PARD3B: variants seen among roughly 807,000 people sequenced by gnomAD.
The protein encoded by PARD3B is par-3 family cell polarity regulator beta.
In PARD3B, 103 loss-of-function variants were observed where a neutral mutation model predicts 130.2. The observed-to-expected ratio is 0.79, with a 90% CI of 0.67 to 0.93. The LOEUF (loss-of-function observed/expected upper bound fraction) is 0.93. Among genes scored for constraint, PARD3B ranks in the 40% least tolerant of loss-of-function variants. The pLI, the probability that PARD3B is intolerant of heterozygous loss-of-function variation, is 0.00. For synonymous variants in PARD3B, 583 were observed against 553.2 expected (o/e 1.05, Z -0.76); for missense variants, 1,609 against 1,499.2 (o/e 1.07, Z -1.21).
At chr2:204,628,531 A>C (rs2034564927) in intron 1 of PARD3B, among the ~76,000 whole-genome samples, 1 of 152,144 alleles carries the variant, frequency 6.6e-6, no homozygotes. Flanking sequence ...TAGTGATTTA[A>C]TCAGCATTGT....
intron 11 of PARD3B, among the ~76,000 whole-genome samples, chr2:205,169,722 G>C (rs984504361): frequency 6.6e-6 from 1 of 152,130 alleles, no homozygotes; most frequent in South Asian, 2.1e-4. Context: ...AACAGGACTA[G>C]GACCAGGAAC....
At chr2:204,861,367 A>G (rs971275362) in intron 2 of PARD3B, among the ~76,000 whole-genome samples, 2 of 152,172 alleles carry the variant, frequency 1.3e-5, no homozygotes, top group Admixed American at 1.3e-4. Flanking sequence ...GTATTAAGAA[A>G]AATATTTGGG....
intron 3 of PARD3B, among the ~76,000 whole-genome samples, chr2:205,007,848 A>G (rs1695399748): frequency 6.6e-6 from 1 of 152,078 alleles, no homozygotes; most frequent in African/African-American, 2.4e-5. Context: ...ATTTGTTTCA[A>G]CGAAATCTAT....
chr2:204,573,347 G>A (rs1161595180), intron 1 of PARD3B, among the ~76,000 whole-genome samples: 3 of 152,176 alleles, frequency 2.0e-5, no homozygotes, highest in African/African-American at 2.4e-5. Context: ...AATTCATGGA[G>A]CATTACTGAA....
intron 20 of PARD3B, among the ~76,000 whole-genome samples, chr2:205,498,267 C>T (rs575209936): frequency 4.7e-5 from 7 of 149,736 alleles, no homozygotes; most frequent in South Asian, 4.2e-4. Flanking sequence ...TTTGGGAGGC[C>T]GAGGCGAGTG....
intron 5 of PARD3B, 39 bp from the exon 6 acceptor site, chr2:205,113,452 G>A: frequency 7.2e-7 from 1 of 1,392,818 alleles, no homozygotes; most frequent in Non-Finnish European, 1.0e-6. Flanking sequence ...CTGTTTTTTA[G>A]CAGACACTCA....
intron 21 of PARD3B, among the ~76,000 whole-genome samples, chr2:205,552,852 T>G (rs1378693892): frequency 6.6e-6 from 1 of 152,128 alleles, no homozygotes; most frequent in African/African-American, 2.4e-5. Flanking sequence ...ACTATAGACT[T>G]TAGTTAACAA....
chr2:204,643,778 A>T (rs1392576116), intron 1 of PARD3B, among the ~76,000 whole-genome samples: 1 of 152,194 alleles, frequency 6.6e-6, no homozygotes, highest in Non-Finnish European at 1.5e-5. Context: ...ATTTATTCAG[A>T]TTAAGAACTG....
intron 1 of PARD3B, among the ~76,000 whole-genome samples, chr2:204,681,047 TA>T (rs2036805894): frequency 6.6e-6 from 1 of 152,160 alleles, no homozygotes; most frequent in Admixed American, 6.5e-5. Flanking sequence ...TTCATGTTTT[TA>T]AAATATTTTT....
intron 2 of PARD3B, among the ~76,000 whole-genome samples, chr2:204,959,878 C>A (rs1690595303): frequency 6.6e-6 from 1 of 152,150 alleles, no homozygotes; most frequent in Admixed American, 6.5e-5. Context: ...TTCACACATA[C>A]CACGTTAATG....
intron 2 of PARD3B, among the ~76,000 whole-genome samples, chr2:204,915,439 C>T (rs371873973): frequency 5.4e-4 from 82 of 151,992 alleles, no homozygotes; most frequent in East Asian, 1.9e-3. Context: ...TGTTATGCAT[C>T]GTTTAAGGAG....
intron 18 of PARD3B, among the ~76,000 whole-genome samples, chr2:205,385,960 TA>T (rs1429853618): frequency 6.6e-6 from 1 of 152,182 alleles, no homozygotes; most frequent in Non-Finnish European, 1.5e-5. Context: ...GGTATTTCAC[TA>T]AACAAATTTT....
At chr2:205,086,890 T>A (rs766997795) in intron 4 of PARD3B, among the ~76,000 whole-genome samples, 7 of 152,192 alleles carry the variant, frequency 4.6e-5, no homozygotes, top group Non-Finnish European at 8.8e-5. Flanking sequence ...GAAAACCAGA[T>A]GCTTAGACCA....
At chr2:204,882,767 ATTTAGATGGC>A (rs1474865341) in intron 2 of PARD3B, among the ~76,000 whole-genome samples, 1 of 152,142 alleles carries the variant, frequency 6.6e-6, no homozygotes, top group Non-Finnish European at 1.5e-5. Flanking sequence ...CTCATCACTG[ATTTAGATGGC>A]TTTTCGGAGA....
At chr2:205,117,306 A>G (rs1172267858) in intron 6 of PARD3B, among the ~76,000 whole-genome samples, 1 of 152,186 alleles carries the variant, frequency 6.6e-6, no homozygotes, top group Non-Finnish European at 1.5e-5. Context: ...AATGAACCAC[A>G]AGACCCCACT....
At chr2:205,114,130 C>A (rs1187285953) in intron 6 of PARD3B, among the ~76,000 whole-genome samples, 1 of 152,046 alleles carries the variant, frequency 6.6e-6, no homozygotes, top group African/African-American at 2.4e-5. Flanking sequence ...TTACCACATC[C>A]TTTTGGAATT....
chr2:205,297,158 G>A (rs1486987870), intron 16 of PARD3B, among the ~76,000 whole-genome samples: 1 of 152,006 alleles, frequency 6.6e-6, no homozygotes, highest in Non-Finnish European at 1.5e-5. Flanking sequence ...AATATGAAGA[G>A]TCATCATATT....
At chr2:205,126,672 G>C (rs570356565) in intron 10 of PARD3B, among the ~76,000 whole-genome samples, 1 of 145,074 alleles carries the variant, frequency 6.9e-6, no homozygotes, top group East Asian at 2.1e-4. Flanking sequence ...CGTGAACCCG[G>C]GAAGCGGAGC....
Position 204,639,055 on chromosome 2 carries a change from C to A in PARD3B, c.121-47126C>A, listed in dbSNP as rs543955915. Among the ~76,000 whole-genome samples, 451 of 152,176 alleles carry A rather than the reference C, an allele frequency of 3.0e-3. 1 individual carries two copies. The highest frequency in any genetic ancestry group is 9.6e-3 in the African/African-American group (400 of 41,510). On this transcript the variant is annotated intron_variant, in intron 1 of 22. Coordinates refer to ENST00000406610, the MANE Select transcript of PARD3B (RefSeq NM_001302769.2). ...GCCTGCTCTCACTGACAAGTTGGTA[C>A]CTACAGTACCCTGGGAACTGCAGCT...
Sources: allele counts gnomAD v4.1 joint callset (sites outside exome capture counted in the v4.1 genomes callset), GRCh38; gene constraint gnomAD v4.1.1; transcripts MANE v1.5; gene names NCBI Gene and HGNC (gene_info 2026-07-23, HGNC 2026-07-21).